ADAM32: variants seen among roughly 807,000 people sequenced by gnomAD.
The protein encoded by ADAM32 is disintegrin and metalloproteinase domain-containing protein 32.
Under a neutral mutation model 114.9 loss-of-function variants are expected in ADAM32, and 89 were observed. The observed-to-expected ratio is 0.77, with a 90% confidence interval of 0.65 to 0.92. The LOEUF is 0.92. ADAM32 is among the 40% of genes least tolerant of loss of function. The pLI is 0.00. For synonymous variants in ADAM32, 285 were observed against 307.5 expected, an observed-to-expected ratio of 0.93 and a Z score of 0.77; for missense variants, 870 against 932.8, an observed-to-expected ratio of 0.93 and a Z score of 0.88.
intron 1 of ADAM32, among the ~76,000 whole-genome samples, chr8:39,117,583 A>G (rs1330925970): frequency 1.3e-5 from 2 of 151,862 alleles, no homozygotes; most frequent in Non-Finnish European, 2.9e-5. Flanking sequence ...TTAGTCTTTT[A>G]ACATTAAATA....
chr8:39,277,189 C>A (rs1294529664), intron 22 of ADAM32, among the ~76,000 whole-genome samples: 1 of 152,194 alleles, frequency 6.6e-6, no homozygotes, highest in African/African-American at 2.4e-5. Flanking sequence ...ATTCATCTCT[C>A]CCAGGGTTAT....
intron 2 of ADAM32, among the ~76,000 whole-genome samples, chr8:39,121,245 G>A (rs1840575537): frequency 6.6e-6 from 1 of 152,184 alleles, no homozygotes; most frequent in African/African-American, 2.4e-5. Context: ...ACTGCCAGCT[G>A]GAACTAAAGG....
At chr8:39,203,910 T>A (rs1229217904) in intron 11 of ADAM32, among the ~76,000 whole-genome samples, 1 of 152,202 alleles carries the variant, frequency 6.6e-6, no homozygotes, top group Non-Finnish European at 1.5e-5. Context: ...TGGCTGGATA[T>A]GAAATTCTGG....
At chr8:39,273,868 C>T (rs1812907254) in intron 20 of ADAM32, among the ~76,000 whole-genome samples, 1 of 151,976 alleles carries the variant, frequency 6.6e-6, no homozygotes, top group African/African-American at 2.4e-5. Context: ...CCAGCTCACT[C>T]TGCTAGATTG....
At chr8:39,157,235 T>C (rs2129445813) in intron 6 of ADAM32, among the ~76,000 whole-genome samples, 1 of 152,346 alleles carries the variant, frequency 6.6e-6, no homozygotes, top group East Asian at 1.9e-4. Context: ...ATCATTAACT[T>C]TGGACACTTT....
At chr8:39,202,463 C>A (rs544696834) in intron 11 of ADAM32, among the ~76,000 whole-genome samples, 1 of 152,086 alleles carries the variant, frequency 6.6e-6, no homozygotes, top group Non-Finnish European at 1.5e-5. Context: ...TCTGTGGGAT[C>A]GGTGGTGATA....
At chr8:39,220,247 A>G (rs1056303874) in intron 12 of ADAM32, among the ~76,000 whole-genome samples, 2 of 152,160 alleles carry the variant, frequency 1.3e-5, no homozygotes, top group African/African-American at 2.4e-5. Context: ...TATCTACTAT[A>G]AAAATATTGA....
At chr8:39,216,378 G>A (rs1275159991) in intron 12 of ADAM32, among the ~76,000 whole-genome samples, 1 of 151,792 alleles carries the variant, frequency 6.6e-6, no homozygotes, top group East Asian at 1.9e-4. Flanking sequence ...TTTTTGATTG[G>A]AGCATTTAGT....
At chr8:39,151,326 A>G (rs972051924) in intron 5 of ADAM32, 51 bp from the exon 6 acceptor site, 12 of 1,393,876 alleles carry the variant, frequency 8.6e-6, no homozygotes, top group Non-Finnish European at 1.1e-5. Flanking sequence ...TCAGAAATTC[A>G]TTATATAGAT....
At chr8:39,130,293 G>A (rs542513834) in intron 2 of ADAM32, among the ~76,000 whole-genome samples, 11 of 151,926 alleles carry the variant, frequency 7.2e-5, no homozygotes, top group Admixed American at 4.6e-4. Flanking sequence ...ATTTTTCTTC[G>A]TCAGTCTAGT....
intron 11 of ADAM32, among the ~76,000 whole-genome samples, chr8:39,204,546 A>G (rs776117524): frequency 6.6e-6 from 1 of 152,124 alleles, no homozygotes; most frequent in Non-Finnish European, 1.5e-5. Flanking sequence ...TATTTTTTCA[A>G]GCTTTTTAGC....
intron 10 of ADAM32, among the ~76,000 whole-genome samples, chr8:39,179,175 G>A (rs1472228741): frequency 6.6e-6 from 1 of 151,998 alleles, no homozygotes; most frequent in African/African-American, 2.4e-5. Context: ...CCCCCTGGAA[G>A]CTTCATCCCA....
intron 2 of ADAM32, among the ~76,000 whole-genome samples, chr8:39,136,409 C>T (rs1432231873): frequency 2.0e-5 from 3 of 152,154 alleles, no homozygotes; most frequent in Non-Finnish European, 4.4e-5. Context: ...AGGTTAGTTA[C>T]AGGTAGATTT....
intron 10 of ADAM32, among the ~76,000 whole-genome samples, chr8:39,173,969 C>T (rs914377330): frequency 4.6e-5 from 7 of 152,094 alleles, no homozygotes; most frequent in East Asian, 1.9e-4. Context: ...GGATTACAGA[C>T]GTGCACTGCC....
At chr8:39,194,382 A>G (rs10111728) in intron 11 of ADAM32, among the ~76,000 whole-genome samples, 150,065 of 152,172 alleles carry the variant, frequency 0.99, 74,005 homozygotes, top group Middle Eastern at 1. Context: ...GGGGTACACC[A>G]ATGCTGGCAG....
chr8:39,283,730 GT>G, intron 24 of ADAM32, 106 bp downstream of exon 24: 1 of 782,920 alleles, frequency 1.3e-6, no homozygotes, highest in Non-Finnish European at 2.0e-6. Context: ...AGATGAATTG[GT>G]AAAGTACTGC....
chr8:39,247,910 C>T (rs569157620), intron 17 of ADAM32, among the ~76,000 whole-genome samples: 100 of 150,914 alleles, frequency 6.6e-4, no homozygotes, highest in African/African-American at 2.4e-3. Flanking sequence ...TTTTTTCCTG[C>T]ATTTTGATGT....
intron 14 of ADAM32, among the ~76,000 whole-genome samples, chr8:39,229,312 C>T (rs889452045): frequency 3.3e-5 from 5 of 152,136 alleles, no homozygotes; most frequent in African/African-American, 1.2e-4. Context: ...ACAGAGGCAA[C>T]AAAGAGGATG....
At chr8:39,196,512 A>G (rs1807008106) in intron 11 of ADAM32, among the ~76,000 whole-genome samples, 1 of 152,022 alleles carries the variant, frequency 6.6e-6, no homozygotes, top group East Asian at 1.9e-4. Flanking sequence ...CATTTTTTCT[A>G]TATCTAACTT....
Sources: gnomAD v4.1 joint callset for allele counts (sites outside exome capture counted in the v4.1 genomes callset) on GRCh38, gnomAD v4.1.1 for gene constraint, MANE v1.5 for transcripts, NCBI Gene and HGNC (gene_info 2026-07-23, HGNC 2026-07-21) for gene names.